The following TGFBR1 variants were observed in gnomAD, a reference collection of about 807,000 sequenced individuals.
TGFBR1 encodes the protein TGF-beta receptor type-1.
Under a neutral mutation model 55.1 loss-of-function variants are expected in TGFBR1, and 20 were observed. The ratio of observed to expected loss-of-function variants is 0.36; its 90% CI spans 0.26 to 0.53. TGFBR1 has a LOEUF of 0.53. Among genes scored for constraint, TGFBR1 ranks in the 20% least tolerant of loss-of-function variants. The probability of loss-of-function intolerance (pLI) is 0.91; values close to 1 mark genes in which losing one functional copy is unlikely to be tolerated. For synonymous variants in TGFBR1, 220 were observed against 214.8 expected, an observed-to-expected ratio of 1.02 and a Z score of -0.21; for missense variants, 385 against 617.6, an observed-to-expected ratio of 0.62 and a Z score of 3.99.
At position 99,142,458 on chromosome 9, in the gene TGFBR1, A is replaced by G. The variant is rs540283649; in HGVS notation, c.806-78A>G. The G allele has an allele frequency of 4.0e-6, 6 of 1,500,700 alleles. 1 individual carries two copies. The South Asian group carries it at 5.7e-5, about 14-fold the overall frequency. The allele number at this position is 1,500,700 out of a possible 1,614,324, so 93.0% of individuals were successfully genotyped here. A position where few individuals can be genotyped will look rare whatever the true frequency, so the allele number is the denominator to read the frequency against. On this transcript the variant is annotated intron_variant, in intron 4 of 8. Coordinates refer to ENST00000374994, the MANE Select transcript of TGFBR1 (RefSeq NM_004612.4). ...TTGCAGTGTGTGACTCAGGATTGAG[A>G]GTAAAAAGTAATAACCATTGAACAA...
intron 7 of TGFBR1, among the ~76,000 whole-genome samples, chr9:99,147,027 T>G (rs1035325197): frequency 6.6e-6 from 1 of 152,218 alleles, no homozygotes; most frequent in East Asian, 1.9e-4. Context: ...AATACAATTA[T>G]GTTACCATTG....
chr9:99,143,885 A>G (rs1026297500), intron 5 of TGFBR1, among the ~76,000 whole-genome samples: 7 of 152,342 alleles, frequency 4.6e-5, no homozygotes, highest in African/African-American at 1.2e-4. Context: ...CACATTTTAT[A>G]TAAATGAATC....
intron 7 of TGFBR1, among the ~76,000 whole-genome samples, chr9:99,147,228 A>G (rs1042814418): frequency 2.6e-5 from 4 of 152,190 alleles, no homozygotes; most frequent in African/African-American, 9.7e-5. Flanking sequence ...TTATTGACAG[A>G]TGCAAGTAGA....
Position 99,137,831 on chromosome 9 carries a change from G to A in TGFBR1, c.575-28G>A, listed in dbSNP as rs779517018. ...TGAAACATGTAATATTGTTGATTGT[G>A]TTGAGTACTATTTATTTTTACCTTT... On this transcript the variant is annotated intron_variant, in intron 3 of 8. Transcript: ENST00000374994. 3.8e-6 allele frequency: 6 copies of A among 1,571,306 alleles called. No homozygotes were observed. The African/African-American group carries it at 8.1e-5, about 21-fold the overall frequency.
At chr9:99,127,390 C>A (rs1827072478) in intron 1 of TGFBR1, among the ~76,000 whole-genome samples, 1 of 152,164 alleles carries the variant, frequency 6.6e-6, no homozygotes, top group South Asian at 2.1e-4. Flanking sequence ...CCCGGCCCCC[C>A]AGCAGTAATA....
chr9:99,130,961 CTG>C lies in TGFBR1; in HGVS notation c.344-1544_344-1543del, dbSNP rs540472643. Among the ~76,000 whole-genome samples, 6 of 152,236 alleles carry C rather than the reference CTG, an allele frequency of 3.9e-5. No homozygotes were observed. The South Asian group carries it at 1.2e-3, about 32-fold the overall frequency. ...CAAGTTTGGGACAAGTTTTAAGAAACTGTGTTACAATTCAGAGAAAAGACAGT... is the reference window on the plus strand; with the variant it reads ...CAAGTTTGGGACAAGTTTTAAGAAACTGTTACAATTCAGAGAAAAGACAGT... On this transcript the variant is annotated intron_variant, in intron 2 of 8. Coordinates refer to ENST00000374994, the MANE Select transcript of TGFBR1 (RefSeq NM_004612.4).
chr9:99,150,665 T>C lies in TGFBR1; in HGVS notation c.*1360T>C, dbSNP rs1827957718. 1 of 211,648 alleles carries C rather than the reference T, an allele frequency of 4.7e-6. No individual in the cohort carries two copies. Among genetic ancestry groups the C allele is most frequent in the Non-Finnish European group, 9.6e-6 (1 of 104,114 alleles). The allele number at this position is 211,648 out of a possible 1,614,324, so 13.1% of individuals were successfully genotyped here. On this transcript the variant is annotated 3_prime_UTR_variant, in exon 9 of 9. Coordinates refer to ENST00000374994, the MANE Select transcript of TGFBR1 (RefSeq NM_004612.4). Reference sequence around the variant, plus strand: ...GCTTTTAATTCAGTGTTTCCTTATGTGTGCGTACATTGCAACTGCTTACAT... The same window carrying C: ...GCTTTTAATTCAGTGTTTCCTTATGCGTGCGTACATTGCAACTGCTTACAT...
At chr9:99,135,495 T>C (rs1201923987) in intron 3 of TGFBR1, among the ~76,000 whole-genome samples, 3 of 152,232 alleles carry the variant, frequency 2.0e-5, no homozygotes, top group African/African-American at 7.2e-5. Flanking sequence ...GGAAAGGCCC[T>C]GTCTCTACCT....
At chr9:99,119,037 A>G (rs1826829121) in intron 1 of TGFBR1, among the ~76,000 whole-genome samples, 1 of 151,990 alleles carries the variant, frequency 6.6e-6, no homozygotes, top group African/African-American at 2.4e-5. Context: ...AATTATCTCT[A>G]TCCTCCTAAA....
At chr9:99,147,169 A>G (rs912937391) in intron 7 of TGFBR1, among the ~76,000 whole-genome samples, 3 of 152,094 alleles carry the variant, frequency 2.0e-5, no homozygotes, top group African/African-American at 7.2e-5. Context: ...TAGGTTTTTG[A>G]AGCAGTGAGG....
In TGFBR1 at chr9:99,149,511, G is replaced by C; in HGVS notation, c.*206G>C. On this transcript the variant is annotated 3_prime_UTR_variant, in exon 9 of 9. Coordinates refer to ENST00000374994, the MANE Select transcript of TGFBR1 (RefSeq NM_004612.4). The stretch of plus-strand genomic sequence containing the variant: ...TGGGTCCTTTCTGTGCACTATGAAC[G>C]CTTCTTTCCCAGGACAGAAAATGTG... 1.7e-6 allele frequency: 1 copy of C among 575,782 alleles called. No homozygotes were observed. Among genetic ancestry groups the C allele is most frequent in the Non-Finnish European group, 3.0e-6 (1 of 328,654 alleles). The allele number at this position is 575,782 out of a possible 1,614,324, so 35.7% of individuals were successfully genotyped here.
intron 7 of TGFBR1, among the ~76,000 whole-genome samples, 180 bp downstream of exon 7, chr9:99,146,789 A>G (rs984763873): frequency 1.3e-5 from 2 of 152,236 alleles, no homozygotes; most frequent in African/African-American, 4.8e-5. Flanking sequence ...TGGTGTGCAC[A>G]TGCACAGCTC....
At chr9:99,125,708 C>T (rs1012701605) in intron 1 of TGFBR1, among the ~76,000 whole-genome samples, 5 of 152,206 alleles carry the variant, frequency 3.3e-5, no homozygotes, top group Non-Finnish European at 7.3e-5. Flanking sequence ...GCAGTGAAAG[C>T]CTAGTGCCAG....
In TGFBR1 at chr9:99,149,636, G is replaced by A; in HGVS notation, c.*331G>A. ...CTGCTGTGCTGGAGATCATCTTTAA[G>A]GGCAAAGGAGTTGGATTGCTGAATT... On this transcript the variant is annotated 3_prime_UTR_variant, in exon 9 of 9. Transcript: ENST00000374994. 1 of 366,778 alleles carries A rather than the reference G, an allele frequency of 2.7e-6. No homozygotes were observed. Among genetic ancestry groups the A allele is most frequent in the Non-Finnish European group, 5.1e-6 (1 of 195,960 alleles). 22.7% of individuals were successfully genotyped at this position (366,778 alleles called of 1,614,324 possible).
intron 1 of TGFBR1, among the ~76,000 whole-genome samples, chr9:99,119,675 A>G (rs1411560240): frequency 6.6e-6 from 1 of 152,242 alleles, no homozygotes; most frequent in Non-Finnish European, 1.5e-5. Context: ...GGGATATTAC[A>G]TATACACACT....
At chr9:99,128,060 G>A (rs1827090746) in intron 1 of TGFBR1, 1 of 454,596 alleles carries the variant, frequency 2.2e-6, no homozygotes, top group Non-Finnish European at 4.4e-6. Context: ...GGTTGAAGGT[G>A]TATCTGTGTG....
intron 6 of TGFBR1, among the ~76,000 whole-genome samples, chr9:99,146,142 GAGA>G (rs1827789195): frequency 6.6e-6 from 1 of 152,088 alleles, no homozygotes; most frequent in African/African-American, 2.4e-5. Flanking sequence ...CATCCTCAGT[GAGA>G]AGACTTCTAA....
chr9:99,104,296 G>A (rs1338712060), upstream of TGFBR1, among the ~76,000 whole-genome samples: 1 of 152,186 alleles, frequency 6.6e-6, no homozygotes, highest in Non-Finnish European at 1.5e-5. Context: ...GAGGGGTTGG[G>A]GTGGGGATCC....
intron 3 of TGFBR1, among the ~76,000 whole-genome samples, chr9:99,134,799 CCATTATA>C (rs1827368213): frequency 1.0e-4 from 7 of 69,746 alleles, no homozygotes; most frequent in African/African-American, 3.8e-4. Context: ...AATTCTGTTT[CCATTATA>C]TATATATATA....
Sources: allele counts gnomAD v4.1 joint callset (sites outside exome capture counted in the v4.1 genomes callset), GRCh38; gene constraint gnomAD v4.1.1; transcripts MANE v1.5; gene names NCBI Gene and HGNC (gene_info 2026-07-23, HGNC 2026-07-21).